Variants in SLC35F4 observed in about 807,000 individuals in gnomAD.
SLC35F4 encodes chromosome 14 open reading frame 36.
In SLC35F4, 24 loss-of-function variants were observed where a neutral mutation model predicts 44.2. The observed-to-expected ratio is 0.54, with a 90% CI of 0.39 to 0.76. The LOEUF (loss-of-function observed/expected upper bound fraction) is 0.76. Ranked by LOEUF, SLC35F4 falls within the 30% of genes least tolerant of loss-of-function variation. SLC35F4 has a pLI of 0.00. For synonymous variants in SLC35F4, 238 were observed against 223.6 expected, an observed-to-expected ratio of 1.06 and a Z score of -0.57; for missense variants, 562 against 586.1, an observed-to-expected ratio of 0.96 and a Z score of 0.42.
intron 1 of SLC35F4, among the ~76,000 whole-genome samples, chr14:57,720,228 G>C (rs2076049363): frequency 6.6e-6 from 1 of 152,016 alleles, no homozygotes; most frequent in Admixed American, 6.6e-5. Flanking sequence ...GTTGAATTTG[G>C]TTTGCTAGTT....
intron 1 of SLC35F4, among the ~76,000 whole-genome samples, chr14:57,819,295 T>A (rs8013868): frequency 0.14 from 21,525 of 152,074 alleles, 1,838 homozygotes; most frequent in African/African-American, 0.23. Flanking sequence ...AGATATGTCA[T>A]ATGGAGAATA....
At chr14:57,686,122 T>C (rs2140317569) in intron 1 of SLC35F4, among the ~76,000 whole-genome samples, 1 of 152,284 alleles carries the variant, frequency 6.6e-6, no homozygotes, top group South Asian at 2.1e-4. Context: ...AAATACATAA[T>C]GTTTAACCAT....
chr14:57,659,771 C>A (rs2074078515), intron 1 of SLC35F4, among the ~76,000 whole-genome samples: 1 of 152,130 alleles, frequency 6.6e-6, no homozygotes, highest in Non-Finnish European at 1.5e-5. Flanking sequence ...GACGTGAGGA[C>A]AAATCACAGT....
intron 1 of SLC35F4, among the ~76,000 whole-genome samples, chr14:57,598,790 C>T (rs1404425271): frequency 1.3e-5 from 2 of 152,228 alleles, no homozygotes; most frequent in South Asian, 2.1e-4. Flanking sequence ...TGCCCCAAAT[C>T]GTGAAGCAAA....
At chr14:57,955,653 A>C (rs1478015786) in intron 1 of SLC35F4, among the ~76,000 whole-genome samples, 5 of 152,176 alleles carry the variant, frequency 3.3e-5, no homozygotes, top group Non-Finnish European at 7.4e-5. Flanking sequence ...ATAATAAACA[A>C]ACAGAGAGCC....
intron 1 of SLC35F4, among the ~76,000 whole-genome samples, chr14:57,899,003 C>G (rs2141043867): frequency 6.6e-6 from 1 of 152,288 alleles, no homozygotes; most frequent in Non-Finnish European, 1.5e-5. Flanking sequence ...CTCCTAAGCT[C>G]TCAAAATTCC....
chr14:57,572,040 A>C (rs776703640), intron 4 of SLC35F4, 21 bp from the exon 5 acceptor site: 1 of 1,601,588 alleles, frequency 6.2e-7, no homozygotes, highest in South Asian at 1.1e-5. Context: ...GGATGCAAAG[A>C]AACAGAAAAG....
At chr14:57,601,384 G>T (rs1238772758) in intron 1 of SLC35F4, among the ~76,000 whole-genome samples, 2 of 151,890 alleles carry the variant, frequency 1.3e-5, no homozygotes, top group Non-Finnish European at 2.9e-5. Flanking sequence ...TGGGTATACT[G>T]CTTGATTCTG....
At chr14:57,836,487 T>TTCA (rs1884939962) in intron 1 of SLC35F4, among the ~76,000 whole-genome samples, 1 of 152,128 alleles carries the variant, frequency 6.6e-6, no homozygotes, top group African/African-American at 2.4e-5. Flanking sequence ...GAAACGGGGT[T>TTCA]TCACCATGTT....
rs188550751 is a variant in SLC35F4, at chr14:57,830,050, G to A, written c.103+35673C>T. On this transcript the variant is annotated intron_variant, in intron 1 of 7. Coordinates refer to ENST00000556826, the MANE Select transcript of SLC35F4 (RefSeq NM_001306087.2). Reference sequence around the variant, plus strand: ...ATTCCTCTACAGTTTTAATTTTGAAGAGTAGAAAAAAGTATATAATTTTTA... The same window carrying A: ...ATTCCTCTACAGTTTTAATTTTGAAAAGTAGAAAAAAGTATATAATTTTTA... 1.7e-4 allele frequency among the ~76,000 whole-genome samples: 26 copies of A among 152,072 alleles called. No homozygotes were observed. The East Asian group carries it at 4.8e-3, about 28-fold the overall frequency.
intron 1 of SLC35F4, among the ~76,000 whole-genome samples, chr14:57,896,435 T>C (rs1836929681): frequency 6.6e-6 from 1 of 152,162 alleles, no homozygotes; most frequent in Admixed American, 6.5e-5. Context: ...TGCGTTTTCA[T>C]TGGGAGGATA....
chr14:57,789,521 A>T (rs969424087), intron 1 of SLC35F4, among the ~76,000 whole-genome samples: 1 of 152,172 alleles, frequency 6.6e-6, no homozygotes, highest in Non-Finnish European at 1.5e-5. Flanking sequence ...ACCAACCAAA[A>T]AAAGCCCCGG....
chr14:57,869,035 T>C (rs1888240521), upstream of SLC35F4, among the ~76,000 whole-genome samples: 1 of 152,188 alleles, frequency 6.6e-6, no homozygotes, highest in Admixed American at 6.5e-5. Context: ...AATTTGTTTT[T>C]TGTGCGCTCT....
At chr14:57,851,159 C>A (rs756805205) in intron 1 of SLC35F4, among the ~76,000 whole-genome samples, 1 of 152,152 alleles carries the variant, frequency 6.6e-6, no homozygotes, top group Non-Finnish European at 1.5e-5. Flanking sequence ...TTAGTCCAAC[C>A]ACAAGAGCTT....
At chr14:57,852,632 G>A (rs1412642291) in intron 1 of SLC35F4, among the ~76,000 whole-genome samples, 1 of 152,218 alleles carries the variant, frequency 6.6e-6, no homozygotes, top group African/African-American at 2.4e-5. Flanking sequence ...TAAAAAGTCT[G>A]TGGGAATAAT....
At chr14:57,600,721 C>CAAAAAAAAA (rs1566668126) in intron 1 of SLC35F4, among the ~76,000 whole-genome samples, 4 of 129,784 alleles carry the variant, frequency 3.1e-5, no homozygotes, top group African/African-American at 8.5e-5. Flanking sequence ...AAAAAAAAAC[C>CAAAAAAAAA]AAAAAGATAA....
intron 1 of SLC35F4, among the ~76,000 whole-genome samples, chr14:57,859,847 A>G (rs896223485): frequency 1.3e-5 from 2 of 152,208 alleles, no homozygotes; most frequent in African/African-American, 4.8e-5. Context: ...GGCTTGGACA[A>G]TTGGTTTGAT....
intron 1 of SLC35F4, among the ~76,000 whole-genome samples, chr14:57,714,963 C>T (rs534326037): frequency 3.9e-5 from 6 of 152,052 alleles, no homozygotes; most frequent in Non-Finnish European, 7.4e-5. Flanking sequence ...GTTCGTTCAA[C>T]GGAGGAGGAT....
chr14:57,738,188 T>C (rs1347469551), intron 1 of SLC35F4, among the ~76,000 whole-genome samples: 3 of 152,232 alleles, frequency 2.0e-5, no homozygotes, highest in African/African-American at 7.2e-5. Context: ...ACCTCATCTG[T>C]ACCCATCTGT....
Sources: allele counts gnomAD v4.1 joint callset (sites outside exome capture counted in the v4.1 genomes callset), GRCh38; gene constraint gnomAD v4.1.1; transcripts MANE v1.5; gene names NCBI Gene and HGNC (gene_info 2026-07-23, HGNC 2026-07-21).